The following XKR9 variants were observed in gnomAD, a reference collection of about 807,000 sequenced individuals.
XKR9 encodes the protein XK related 9.
A neutral mutation model predicts 32.0 loss-of-function variants in XKR9; 32 were observed. The observed-to-expected ratio is 1.00, with a 90% CI of 0.76 to 1.34. The LOEUF (loss-of-function observed/expected upper bound fraction) is 1.34. Ranked by LOEUF, XKR9 falls within the 40% of genes most tolerant of loss-of-function variation. The probability of loss-of-function intolerance (pLI) is 0.00; values close to 1 mark genes in which losing one functional copy is unlikely to be tolerated. For missense variants in XKR9, 546 were observed against 429.7 expected (o/e 1.27, Z -2.39); for synonymous variants, 168 against 143.4 (o/e 1.17, Z -1.22).
At chr8:70,673,065 A>G (rs1243175135) in intron 1 of XKR9, among the ~76,000 whole-genome samples, 1 of 152,134 alleles carries the variant, frequency 6.6e-6, no homozygotes, top group Non-Finnish European at 1.5e-5. Flanking sequence ...TTTTCATTTA[A>G]TATAGTCAAA....
At chr8:70,821,355 A>G in the XKR9 span, among the ~76,000 whole-genome samples, 8 of 152,182 alleles carry the variant, frequency 5.3e-5, no homozygotes, top group Non-Finnish European at 1.0e-4. Flanking sequence ...GGCTGCTTTC[A>G]CAGGCTGGCA....
the XKR9 span, among the ~76,000 whole-genome samples, chr8:70,875,969 G>A: frequency 6.6e-6 from 1 of 151,912 alleles, no homozygotes; most frequent in Non-Finnish European, 1.5e-5. Flanking sequence ...CATCAGAAAA[G>A]CCAGGCACAT....
At chr8:70,942,599 G>A in the XKR9 span, among the ~76,000 whole-genome samples, 1 of 152,134 alleles carries the variant, frequency 6.6e-6, no homozygotes, top group African/African-American at 2.4e-5. Flanking sequence ...GAGTGCCAAT[G>A]TGTGCCAGCA....
the XKR9 span, among the ~76,000 whole-genome samples, chr8:70,937,623 A>G: frequency 1.3e-5 from 2 of 152,094 alleles, no homozygotes; most frequent in African/African-American, 4.8e-5. Flanking sequence ...ATAGTTATAA[A>G]CTGCCTCATT....
chr8:70,956,258 C>A, the XKR9 span, among the ~76,000 whole-genome samples: 1 of 152,142 alleles, frequency 6.6e-6, no homozygotes, highest in Admixed American at 6.5e-5. Context: ...CAACAGAACA[C>A]GTCTTAGGAG....
At chr8:71,058,358 G>A in the XKR9 span, among the ~76,000 whole-genome samples, 92 of 152,270 alleles carry the variant, frequency 6.0e-4, no homozygotes, top group Middle Eastern at 6.8e-3. Context: ...GCCAAGTAGG[G>A]TTAGTCTGGG....
chr8:70,950,207 C>A, the XKR9 span, among the ~76,000 whole-genome samples: 397 of 152,270 alleles, frequency 2.6e-3, 2 homozygotes, highest in Middle Eastern at 0.027. Flanking sequence ...CCCTCAGGAG[C>A]TTACAACTTG....
rs1806828646 is a variant in XKR9, at chr8:70,735,291, A to G, written c.*867A>G. The stretch of plus-strand genomic sequence containing the variant: ...CCAAGTCTCTCTCAACTGAAATTAT[A>G]ATTTTTTGTTTCTATGAGTTTGAAT... On this transcript the variant is annotated 3_prime_UTR_variant, in exon 5 of 5. Coordinates refer to ENST00000408926, the MANE Select transcript of XKR9 (RefSeq NM_001011720.2). 6.6e-6 allele frequency: 1 copy of G among 151,656 alleles called. No homozygotes were observed. The highest frequency in any genetic ancestry group is 2.4e-5 in the African/African-American group (1 of 41,304). 9.4% of individuals were successfully genotyped at this position (151,656 alleles called of 1,614,324 possible).
chr8:70,955,781 A>G, the XKR9 span, among the ~76,000 whole-genome samples: 571 of 152,316 alleles, frequency 3.7e-3, 3 homozygotes, highest in African/African-American at 0.013. Flanking sequence ...TGTGTGAGCG[A>G]GTGAGCATGG....
At chr8:70,726,577 C>G (rs950026620) in intron 4 of XKR9, among the ~76,000 whole-genome samples, 1 of 152,150 alleles carries the variant, frequency 6.6e-6, no homozygotes, top group Admixed American at 6.6e-5. Flanking sequence ...CTTTGAAGAA[C>G]TGTAACAGGA....
intron 2 of XKR9, among the ~76,000 whole-genome samples, chr8:70,787,489 T>C (rs1807703578): frequency 1.3e-5 from 2 of 152,090 alleles, no homozygotes; most frequent in South Asian, 4.1e-4. Context: ...ACCCAGGACC[T>C]GAGGAGAGTG....
chr8:70,938,721 A>G, the XKR9 span, among the ~76,000 whole-genome samples: 112 of 152,216 alleles, frequency 7.4e-4, no homozygotes, highest in Non-Finnish European at 6.3e-4. Context: ...GGTGGTATTT[A>G]TCTAAGCAGA....
At chr8:70,679,475 T>A (rs1818999731) in intron 2 of XKR9, among the ~76,000 whole-genome samples, 1 of 152,152 alleles carries the variant, frequency 6.6e-6, no homozygotes, top group African/African-American at 2.4e-5. Flanking sequence ...AAAGAATACA[T>A]CTAGGGACAC....
chr8:71,024,124 G>A, the XKR9 span, among the ~76,000 whole-genome samples: 1 of 152,180 alleles, frequency 6.6e-6, no homozygotes, highest in Non-Finnish European at 1.5e-5. Context: ...GTGATCCATA[G>A]GTCCTGTTCA....
rs1335928572 is a variant in XKR9, at chr8:70,706,909, G to A, written c.273-24G>A. The stretch of plus-strand genomic sequence containing the variant: ...GTTACAAAGAATATAAAACTAAAGA[G>A]AAATGTTTATGTTTACTTTATAGGT... On this transcript the variant is annotated intron_variant, in intron 3 of 4. Coordinates refer to ENST00000408926, the MANE Select transcript of XKR9 (RefSeq NM_001011720.2). 3.9e-6 allele frequency: 6 copies of A among 1,556,324 alleles called. No homozygotes were observed. In the Admixed American group the frequency reaches 1.1e-4, roughly 28 times the overall value.
chr8:70,717,563 A>AC (rs1806133175), intron 4 of XKR9, among the ~76,000 whole-genome samples: 1 of 152,120 alleles, frequency 6.6e-6, no homozygotes, highest in South Asian at 2.1e-4. Context: ...AGCTGAAACA[A>AC]CTGGGATGCA....
the XKR9 span, among the ~76,000 whole-genome samples, chr8:71,044,601 C>T: frequency 6.6e-6 from 1 of 152,148 alleles, no homozygotes; most frequent in Non-Finnish European, 1.5e-5. Flanking sequence ...ATTGCAAATG[C>T]TTTAAGTTAC....
intron 2 of XKR9, among the ~76,000 whole-genome samples, chr8:70,750,525 A>T (rs1243341265): frequency 6.6e-6 from 1 of 152,174 alleles, no homozygotes; most frequent in East Asian, 1.9e-4. Context: ...GTATCTGTAG[A>T]TGTACATCTT....
chr8:70,909,321 C>T, the XKR9 span, among the ~76,000 whole-genome samples: 2 of 152,084 alleles, frequency 1.3e-5, no homozygotes, highest in Admixed American at 1.3e-4. Flanking sequence ...TGTTTTGTCT[C>T]ATATTGGTCC....
Sources: allele counts gnomAD v4.1 joint callset (sites outside exome capture counted in the v4.1 genomes callset), GRCh38; gene constraint gnomAD v4.1.1; transcripts MANE v1.5; gene names NCBI Gene and HGNC (gene_info 2026-07-23, HGNC 2026-07-21).